Variants in CRB1 observed in about 807,000 individuals in gnomAD.
CRB1 encodes the protein protein crumbs homolog 1.
In CRB1, 83 loss-of-function variants were observed where a neutral mutation model predicts 120.0. The ratio of observed to expected loss-of-function variants is 0.69; its 90% CI spans 0.58 to 0.83. The LOEUF (loss-of-function observed/expected upper bound fraction) is 0.83. Ranked by LOEUF, CRB1 falls within the 40% of genes least tolerant of loss-of-function variation. The probability of loss-of-function intolerance (pLI) is 0.00; values close to 1 mark genes in which losing one functional copy is unlikely to be tolerated. For synonymous variants in CRB1, 625 were observed against 612.5 expected (o/e 1.02, Z -0.30); for missense variants, 1,699 against 1,687.6 (o/e 1.01, Z -0.12).
At chr1:197,212,745 T>C in the CRB1 span, among the ~76,000 whole-genome samples, 1 of 152,256 alleles carries the variant, frequency 6.6e-6, no homozygotes, top group East Asian at 1.9e-4. Context: ...CACAGAGTAC[T>C]GTATGACAAG....
chr1:197,239,658 A>G, the CRB1 span, among the ~76,000 whole-genome samples: 1 of 151,406 alleles, frequency 6.6e-6, no homozygotes, highest in African/African-American at 2.4e-5. Flanking sequence ...TTTAATTGAC[A>G]TATTTTACCC....
intron 2 of CRB1, among the ~76,000 whole-genome samples, chr1:197,332,655 A>G (rs2125310871): frequency 6.6e-6 from 1 of 152,306 alleles, no homozygotes; most frequent in Admixed American, 6.5e-5. Flanking sequence ...ACTACTCATT[A>G]GCAATTACCC....
At position 197,427,738 on chromosome 1, in the gene CRB1, A is replaced by G. The variant is rs760788174; in HGVS notation, c.2413A>G (p.Ile805Val). Residue 805 changes from isoleucine to valine, a missense_variant, in exon 7 of 12, where the codon ATT (isoleucine) becomes GTT (valine). Ile to Val is a conservative substitution (Grantham distance 29). Coordinates refer to ENST00000367400, the MANE Select transcript of CRB1 (RefSeq NM_201253.3). Reference sequence around the variant, plus strand: ...ATCTTTGAAAATCAAGCCATATAAAATTGAACTGTATCAGTCTTCACAAAA... The same window carrying G: ...ATCTTTGAAAATCAAGCCATATAAAGTTGAACTGTATCAGTCTTCACAAAA... ...LISLKIKPYK[I>V]ELYQSSQNLG... 3.7e-6 allele frequency: 6 copies of G among 1,614,016 alleles called. No individual in the cohort carries two copies. The highest frequency in any genetic ancestry group is 1.6e-4 in the Middle Eastern group (1 of 6,062).
At chr1:197,232,703 A>G in the CRB1 span, among the ~76,000 whole-genome samples, 1 of 152,184 alleles carries the variant, frequency 6.6e-6, no homozygotes, top group Non-Finnish European at 1.5e-5. Context: ...GGTCTCTAAC[A>G]AAAAGGGCTC....
chr1:197,381,106 G>A (rs1466746033), intron 5 of CRB1, among the ~76,000 whole-genome samples: 3 of 152,028 alleles, frequency 2.0e-5, no homozygotes, highest in Non-Finnish European at 4.4e-5. Context: ...CTTTGTGAGC[G>A]TTCATTTAAG....
At chr1:197,326,329 T>A (rs1658488520) in intron 1 of CRB1, among the ~76,000 whole-genome samples, 1 of 152,148 alleles carries the variant, frequency 6.6e-6, no homozygotes, top group African/African-American at 2.4e-5. Context: ...GTACTTAAAA[T>A]TTATAGAGGC....
rs114556985 is a variant in CRB1, at chr1:197,278,626, G to A, written c.70+10144G>A. On this transcript the variant is annotated intron_variant, in intron 1 of 11. Coordinates refer to ENST00000367400, the MANE Select transcript of CRB1 (RefSeq NM_201253.3). ...TTCATTAACAAAAGCAGGTCATGTG[G>A]CTAAGCTTGACATCAATGGACTAAA... 5.8e-3 allele frequency among the ~76,000 whole-genome samples: 878 copies of A among 151,968 alleles called. 11 individuals carry two copies. Among genetic ancestry groups the A allele is most frequent in the African/African-American group, 0.02 (842 of 41,510 alleles).
At chr1:197,253,169 T>G in the CRB1 span, among the ~76,000 whole-genome samples, 1 of 152,062 alleles carries the variant, frequency 6.6e-6, no homozygotes, top group African/African-American at 2.4e-5. Context: ...GACATACCAT[T>G]CGTTACTTCT....
chr1:197,428,931 A>C, intron 7 of CRB1: 1 of 1,513,212 alleles, frequency 6.6e-7, no homozygotes, highest in East Asian at 2.5e-5. Flanking sequence ...TTTGTGAGCA[A>C]CCTTGTGAGA....
intron 4 of CRB1, among the ~76,000 whole-genome samples, chr1:197,350,034 A>G (rs1415331279): frequency 6.7e-6 from 1 of 149,216 alleles, no homozygotes; most frequent in East Asian, 2.0e-4. Context: ...CGGGAAGCGG[A>G]GCTTGCAGTG....
chr1:197,295,036 C>T (rs1308353419), intron 1 of CRB1, among the ~76,000 whole-genome samples: 1 of 151,902 alleles, frequency 6.6e-6, no homozygotes, highest in Non-Finnish European at 1.5e-5. Flanking sequence ...GCACATGTAC[C>T]CTAGAACTTA....
At chr1:197,220,377 A>G in the CRB1 span, among the ~76,000 whole-genome samples, 126 of 152,312 alleles carry the variant, frequency 8.3e-4, no homozygotes, top group African/African-American at 3.0e-3. Context: ...CCAGCAACAT[A>G]AAAACATTGG....
intron 1 of CRB1, among the ~76,000 whole-genome samples, chr1:197,285,585 T>C (rs1246372483): frequency 6.6e-6 from 1 of 151,898 alleles, no homozygotes; most frequent in African/African-American, 2.4e-5. Context: ...TGAACAGATA[T>C]AACATGTCCC....
chr1:197,334,629 C>T (rs1659047913), intron 2 of CRB1, among the ~76,000 whole-genome samples: 1 of 152,156 alleles, frequency 6.6e-6, no homozygotes, highest in South Asian at 2.1e-4. Context: ...TGGTCTTGAA[C>T]TTTTAAACAT....
At chr1:197,217,157 T>C in the CRB1 span, among the ~76,000 whole-genome samples, 2 of 152,162 alleles carry the variant, frequency 1.3e-5, no homozygotes, top group Non-Finnish European at 2.9e-5. Context: ...TACTTATGGA[T>C]GGAAATACAA....
chr1:197,439,387 C>T (rs1295576241), intron 10 of CRB1: 1 of 152,238 alleles, frequency 6.6e-6, no homozygotes, highest in Non-Finnish European at 1.5e-5. Flanking sequence ...TGCCATGCAC[C>T]TTACAAATAC....
intron 5 of CRB1, among the ~76,000 whole-genome samples, chr1:197,389,999 A>G (rs1237121758): frequency 2.0e-5 from 3 of 152,116 alleles, no homozygotes; most frequent in African/African-American, 7.2e-5. Flanking sequence ...CAAAACAAAA[A>G]CAACTGTGAA....
At chr1:197,249,394 C>T in the CRB1 span, among the ~76,000 whole-genome samples, 1 of 151,806 alleles carries the variant, frequency 6.6e-6, no homozygotes, top group Non-Finnish European at 1.5e-5. Flanking sequence ...TAAACCCGTT[C>T]ATTTTGAAAG....
At chr1:197,289,648 A>G (rs191191774) in intron 1 of CRB1, among the ~76,000 whole-genome samples, 92 of 151,920 alleles carry the variant, frequency 6.1e-4, no homozygotes, top group African/African-American at 2.2e-3. Context: ...GATGAATATC[A>G]GAACCTTTTC....
Sources: allele counts gnomAD v4.1 joint callset (sites outside exome capture counted in the v4.1 genomes callset), GRCh38; gene constraint gnomAD v4.1.1; transcripts MANE v1.5; gene names NCBI Gene and HGNC (gene_info 2026-07-23, HGNC 2026-07-21).